Variants in FAM171B observed in about 807,000 individuals in gnomAD.
The protein encoded by FAM171B is family with sequence similarity 171 member B, also known as protein FAM171B.
A neutral mutation model predicts 75.6 loss-of-function variants in FAM171B; 19 were observed. That is an observed-to-expected ratio of 0.25 (90% confidence interval 0.18 to 0.37). The LOEUF is 0.37. FAM171B is among the 10% of genes least tolerant of loss of function. The pLI is 1.00. For synonymous variants in FAM171B, 367 were observed against 361.7 expected (o/e 1.01, Z -0.17); for missense variants, 848 against 982.4 (o/e 0.86, Z 1.83).
At position 186,694,335 on chromosome 2, in the gene FAM171B, A is replaced by G. The variant is rs1559078357; in HGVS notation, c.162A>G (p.Gln54=). ...QQQQQQQQQQ[Q]QQKQLEEAEE... ...AGCAGCAGCAGCAACAACAACAACA[A>G]CAGCAAAAGCAGCTGGAGGAGGCTG... Residue 54 remains glutamine, a synonymous_variant, in exon 1 of 8, where the codon CAA becomes CAG. Transcript: ENST00000304698. 2 of 1,612,538 alleles carry G rather than the reference A, an allele frequency of 1.2e-6. No homozygotes were observed. The highest frequency in any genetic ancestry group is 1.7e-5 in the Admixed American group (1 of 59,880).
At chr2:186,700,377 G>A (rs1313049978) in intron 1 of FAM171B, among the ~76,000 whole-genome samples, 1 of 151,944 alleles carries the variant, frequency 6.6e-6, no homozygotes, top group African/African-American at 2.4e-5. Flanking sequence ...TATCACCTTA[G>A]AAAGTTTCTT....
At chr2:186,760,566 C>T (rs1259749723) in intron 6 of FAM171B, among the ~76,000 whole-genome samples, 1 of 151,990 alleles carries the variant, frequency 6.6e-6, no homozygotes, top group East Asian at 1.9e-4. Context: ...TTTACGGCCT[C>T]TTGAAACAGT....
At chr2:186,728,580 C>G (rs1690068201) in intron 1 of FAM171B, among the ~76,000 whole-genome samples, 1 of 152,110 alleles carries the variant, frequency 6.6e-6, no homozygotes, top group Non-Finnish European at 1.5e-5. Context: ...ATACATAAAA[C>G]TCAATAAAAA....
chr2:186,761,348 C>A, intron 7 of FAM171B, 112 bp downstream of exon 7: 3 of 1,441,796 alleles, frequency 2.1e-6, no homozygotes, highest in Non-Finnish European at 1.9e-6. Flanking sequence ...ATAATATATC[C>A]TTTTTTATTT....
chr2:186,743,671 A>T (rs888628000), intron 3 of FAM171B, 96 bp downstream of exon 3: 2 of 851,842 alleles, frequency 2.3e-6, no homozygotes, highest in Admixed American at 4.3e-5. Flanking sequence ...AACTTGAGAA[A>T]AATCTAAATT....
chr2:186,746,483 T>G (rs1690366284), intron 3 of FAM171B, among the ~76,000 whole-genome samples: 1 of 152,204 alleles, frequency 6.6e-6, no homozygotes, highest in African/African-American at 2.4e-5. Context: ...AGGACGAACT[T>G]TAGACATGGC....
rs1690648951 is a variant in FAM171B at position 186,763,180 on chromosome 2, A to AC, written c.*359dup. ...AGTTGCCTCCAAAAATGTTGCCTCT[A>AC]CCATGGTGACTACCCCATGGAACAT... On this transcript the variant is annotated 3_prime_UTR_variant, in exon 8 of 8. Coordinates refer to ENST00000304698, the MANE Select transcript of FAM171B (RefSeq NM_177454.4). 1 of 182,896 alleles carries AC rather than the reference A, an allele frequency of 5.5e-6. No homozygotes were observed. Among genetic ancestry groups the AC allele is most frequent in the South Asian group, 1.3e-4 (1 of 7,612 alleles). 11.3% of individuals were successfully genotyped at this position (182,896 alleles called of 1,614,324 possible).
chr2:186,727,846 A>G (rs1690058436), intron 1 of FAM171B, among the ~76,000 whole-genome samples: 1 of 152,184 alleles, frequency 6.6e-6, no homozygotes, highest in South Asian at 2.1e-4. Context: ...ATTTCTTCAG[A>G]TATTTATATA....
chr2:186,740,479 T>A lies in FAM171B; in HGVS notation c.472+18T>A, dbSNP rs1690273597. Reference sequence around the variant, plus strand: ...AATGCCAAGTAAGCACTTAAACAGTTTTTTTTTGTTTGTTTTTGCTAAATG... The same window carrying A: ...AATGCCAAGTAAGCACTTAAACAGTATTTTTTTGTTTGTTTTTGCTAAATG... On this transcript the variant is annotated intron_variant, in intron 2 of 7. Transcript: ENST00000304698. 6.3e-7 allele frequency: 1 copy of A among 1,578,346 alleles called. No individual in the cohort carries two copies. The highest frequency in any genetic ancestry group is 8.6e-7 in the Non-Finnish European group (1 of 1,157,676).
chr2:186,694,748 AAC>A (rs57171143), intron 1 of FAM171B, among the ~76,000 whole-genome samples: 9,800 of 133,072 alleles, frequency 0.074, 376 homozygotes, highest in African/African-American at 0.11. Context: ...GAATGACTGT[AAC>A]ACACACACAC....
At chr2:186,731,474 T>C (rs952570668) in intron 1 of FAM171B, among the ~76,000 whole-genome samples, 3 of 152,188 alleles carry the variant, frequency 2.0e-5, no homozygotes, top group African/African-American at 7.2e-5. Flanking sequence ...TGGCTTATAT[T>C]AGTTGGGTGC....
At chr2:186,726,274 TA>T (rs1300195624) in intron 1 of FAM171B, among the ~76,000 whole-genome samples, 2 of 152,200 alleles carry the variant, frequency 1.3e-5, no homozygotes, top group Admixed American at 1.3e-4. Flanking sequence ...AACACGCACA[TA>T]TTTTTTTCTT....
chr2:186,736,538 C>CCGTGTG (rs1553511469), intron 1 of FAM171B, among the ~76,000 whole-genome samples: 1 of 122,944 alleles, frequency 8.1e-6, no homozygotes, highest in Non-Finnish European at 1.7e-5. Flanking sequence ...ATGTTTGTGG[C>CCGTGTG]TGTGTGTGTG....
intron 1 of FAM171B, among the ~76,000 whole-genome samples, chr2:186,696,563 G>T (rs974767348): frequency 6.9e-6 from 1 of 145,354 alleles, no homozygotes; most frequent in Non-Finnish European, 1.5e-5. Flanking sequence ...GCCTACCAAG[G>T]TCTAGATCCT....
At chr2:186,717,205 T>C (rs1291106943) in intron 1 of FAM171B, among the ~76,000 whole-genome samples, 1 of 152,154 alleles carries the variant, frequency 6.6e-6, no homozygotes, top group East Asian at 1.9e-4. Context: ...TTTTAAAAAA[T>C]GTGAAGAAGA....
Position 186,762,065 on chromosome 2 carries a change from G to A in FAM171B, c.1723G>A (p.Glu575Lys). The A allele has an allele frequency of 6.2e-7, 1 of 1,613,666 alleles. No individual in the cohort carries two copies. The highest frequency in any genetic ancestry group is 8.5e-7 in the Non-Finnish European group (1 of 1,179,804). Residue 575 changes from glutamate to lysine, a missense_variant, in exon 8 of 8, where the codon GAA becomes AAA. Physicochemically the swap from Glu to Lys is moderately conservative, Grantham distance 56. Transcript: ENST00000304698. The surrounding 1 kb of genome is among the most constrained non-coding windows in gnomAD (Gnocchi z 4.0). The stretch of plus-strand genomic sequence containing the variant: ...ACAGTTAGTCTATGGCCAATTGATG[G>A]AACCAGTAAATCGAGAGAACTTTAC... ...KGQLVYGQLMEPVNRENFTQT... is the reference protein window; with the variant it reads ...KGQLVYGQLMKPVNRENFTQT...
chr2:186,751,335 AT>A (rs755242326), intron 5 of FAM171B, 31 bp downstream of exon 5: 1 of 1,464,110 alleles, frequency 6.8e-7, no homozygotes, highest in Non-Finnish European at 9.1e-7. Context: ...TAGTCTGAAT[AT>A]TTTACATATT....
intron 2 of FAM171B, among the ~76,000 whole-genome samples, chr2:186,742,418 G>A (rs1234269156): frequency 6.6e-6 from 1 of 152,048 alleles, no homozygotes; most frequent in Non-Finnish European, 1.5e-5. Flanking sequence ...CAGTCTAAAT[G>A]TTAATATATT....
chr2:186,747,294 T>C (rs1370174871), intron 4 of FAM171B, 44 bp downstream of exon 4: 1 of 1,329,214 alleles, frequency 7.5e-7, no homozygotes, highest in South Asian at 1.7e-5. Flanking sequence ...GAAACATTAG[T>C]ACACAAATCT....
Sources: gnomAD v4.1 joint callset for allele counts (sites outside exome capture counted in the v4.1 genomes callset) on GRCh38, gnomAD v4.1.1 for gene constraint, Gnocchi (gnomAD v3.1) non-coding constraint, MANE v1.5 for transcripts, NCBI Gene and HGNC (gene_info 2026-07-23, HGNC 2026-07-21) for gene names.